The following RALGAPA1 variants were observed in gnomAD, a reference collection of about 807,000 sequenced individuals.
The protein encoded by RALGAPA1 is Ral GTPase activating protein catalytic subunit alpha 1, also known as ral GTPase-activating protein subunit alpha-1.
In RALGAPA1, 52 loss-of-function variants were observed where a neutral mutation model predicts 269.6. The ratio of observed to expected loss-of-function variants is 0.19; its 90% CI spans 0.15 to 0.24. The LOEUF (loss-of-function observed/expected upper bound fraction) is 0.24. RALGAPA1 is among the 10% of genes least tolerant of loss of function. RALGAPA1 has a pLI of 1.00. For synonymous variants in RALGAPA1, 817 were observed against 1,008.3 expected (o/e 0.81, Z 3.60); for missense variants, 1,917 against 3,013.9 (o/e 0.64, Z 8.52).
chr14:35,688,879 G>A lies in RALGAPA1; in HGVS notation c.3532C>T (p.Leu1178=). 3 of 1,278,900 alleles carry A rather than the reference G, an allele frequency of 2.3e-6. No individual in the cohort carries two copies. In the South Asian group the frequency reaches 1.0e-4, roughly 43 times the overall value. The allele number at this position is 1,278,900 out of a possible 1,614,324, so 79.2% of individuals were successfully genotyped here. ...ENKEAPWKMR[L]RKLGGFSSGS... is the part of the protein sequence containing the mutation. ...CTACTAAAGCCACCGAGCTTCCGCA[G>A]TCTCATCTTCCATGGAGCCTCTTTG... Residue 1178 remains leucine (L), a synonymous_variant, in exon 18 of 42, where the codon CTG becomes TTG. Transcript: ENST00000680220.
intron 26 of RALGAPA1, among the ~76,000 whole-genome samples, chr14:35,671,067 T>C (rs564283973): frequency 2.0e-5 from 3 of 152,300 alleles, no homozygotes; most frequent in African/African-American, 7.2e-5. Context: ...ACACGATGAT[T>C]TGATACACAC....
intron 39 of RALGAPA1, among the ~76,000 whole-genome samples, chr14:35,556,631 A>G (rs974855957): frequency 2.0e-5 from 3 of 152,340 alleles, no homozygotes; most frequent in Middle Eastern, 3.4e-3. Context: ...TATCTACACC[A>G]TGAAGGAAAA....
At chr14:35,622,594 C>T (rs886850642) in intron 35 of RALGAPA1, among the ~76,000 whole-genome samples, 1 of 152,036 alleles carries the variant, frequency 6.6e-6, no homozygotes, top group African/African-American at 2.4e-5. Flanking sequence ...GACAAAGCAA[C>T]AGAAATAAAC....
At chr14:35,804,662 T>C (rs2077226907) in intron 1 of RALGAPA1, among the ~76,000 whole-genome samples, 1 of 151,996 alleles carries the variant, frequency 6.6e-6, no homozygotes, top group Non-Finnish European at 1.5e-5. Flanking sequence ...TTAGGTACAG[T>C]GGCTCACACC....
At chr14:35,700,505 A>G (rs1487762487) in intron 16 of RALGAPA1, among the ~76,000 whole-genome samples, 1 of 152,142 alleles carries the variant, frequency 6.6e-6, no homozygotes, top group Non-Finnish European at 1.5e-5. Context: ...TTTGAATATA[A>G]TTTTTTTATA....
intron 1 of RALGAPA1, among the ~76,000 whole-genome samples, chr14:35,784,070 C>T (rs888358518): frequency 2.0e-5 from 3 of 151,428 alleles, no homozygotes; most frequent in African/African-American, 7.3e-5. Context: ...CATTACATAC[C>T]CAAGAATTGA....
At chr14:35,721,343 T>C (rs1266120759) in intron 16 of RALGAPA1, among the ~76,000 whole-genome samples, 2 of 152,184 alleles carry the variant, frequency 1.3e-5, no homozygotes, top group East Asian at 1.9e-4. Flanking sequence ...TTTTCCATAT[T>C]TGTGAGTAAA....
chr14:35,764,272 G>A (rs2073963749), intron 4 of RALGAPA1, among the ~76,000 whole-genome samples: 2 of 151,866 alleles, frequency 1.3e-5, no homozygotes, highest in Middle Eastern at 3.4e-3. Context: ...TGTAATTTTT[G>A]TAGAGGGCTT....
intron 37 of RALGAPA1, among the ~76,000 whole-genome samples, chr14:35,577,903 CTCT>C (rs2057685726): frequency 1.3e-5 from 2 of 152,212 alleles, no homozygotes; most frequent in African/African-American, 4.8e-5. Flanking sequence ...TGCTAATGAG[CTCT>C]TCATTTTTTT....
chr14:35,701,023 A>G (rs1397737120), intron 16 of RALGAPA1, among the ~76,000 whole-genome samples: 1 of 152,202 alleles, frequency 6.6e-6, no homozygotes, highest in Non-Finnish European at 1.5e-5. Context: ...CAAATCATAA[A>G]CATAAAAACT....
chr14:35,804,084 G>A (rs984509257), intron 1 of RALGAPA1, among the ~76,000 whole-genome samples: 6 of 151,860 alleles, frequency 4.0e-5, no homozygotes, highest in African/African-American at 1.2e-4. Context: ...CCAACATGGC[G>A]AAACCCCATC....
At chr14:35,709,174 C>T (rs2068069825) in intron 16 of RALGAPA1, among the ~76,000 whole-genome samples, 1 of 151,850 alleles carries the variant, frequency 6.6e-6, no homozygotes, top group Admixed American at 6.6e-5. Flanking sequence ...AACAGGGTGA[C>T]TATAGCAAAA....
chr14:35,679,546 T>A (rs750791607), intron 21 of RALGAPA1, among the ~76,000 whole-genome samples: 7 of 152,228 alleles, frequency 4.6e-5, no homozygotes, highest in Non-Finnish European at 1.0e-4. Context: ...GTATTGACTA[T>A]CTCATGTAAT....
intron 17 of RALGAPA1, among the ~76,000 whole-genome samples, chr14:35,693,004 G>A (rs1248365968): frequency 2.6e-5 from 4 of 151,916 alleles, no homozygotes. Flanking sequence ...TATAAATGAA[G>A]AAACTCTTTA....
At chr14:35,621,390 G>A (rs2060615732) in intron 35 of RALGAPA1, among the ~76,000 whole-genome samples, 1 of 152,068 alleles carries the variant, frequency 6.6e-6, no homozygotes, top group South Asian at 2.1e-4. Flanking sequence ...TTAATTATTA[G>A]ACCTAAAACC....
At chr14:35,726,867 ATC>A (rs2069969367) in intron 13 of RALGAPA1, among the ~76,000 whole-genome samples, 1 of 152,146 alleles carries the variant, frequency 6.6e-6, no homozygotes, top group African/African-American at 2.4e-5. Flanking sequence ...CGTAGTTCAA[ATC>A]TCTGTCCACT....
In RALGAPA1 at chr14:35,797,542, G is replaced by C. The variant is rs555609705; in HGVS notation, c.106+11188C>G. Among the ~76,000 whole-genome samples, 10 of 151,894 alleles carry C rather than the reference G, an allele frequency of 6.6e-5. No individual in the cohort carries two copies. The South Asian group carries it at 2.1e-3, about 32-fold the overall frequency. ...GTGACAATAGTTAACAATATATTGT[G>C]TATCTCAAAGTAGCTAGAAGAGGCC... On this transcript the variant is annotated intron_variant, in intron 1 of 41. Transcript: ENST00000680220.
intron 7 of RALGAPA1, among the ~76,000 whole-genome samples, chr14:35,754,676 T>C (rs1315830473): frequency 6.6e-6 from 1 of 152,194 alleles, no homozygotes; most frequent in African/African-American, 2.4e-5. Context: ...AAATAGTCAA[T>C]ATATACCCCT....
At chr14:35,670,580 A>G (rs1277660650) in intron 26 of RALGAPA1, among the ~76,000 whole-genome samples, 1 of 152,150 alleles carries the variant, frequency 6.6e-6, no homozygotes, top group African/African-American at 2.4e-5. Context: ...TTTACTTAGC[A>G]TTGTCTCACA....
Sources: allele counts gnomAD v4.1 joint callset (sites outside exome capture counted in the v4.1 genomes callset), GRCh38; gene constraint gnomAD v4.1.1; transcripts MANE v1.5; gene names NCBI Gene and HGNC (gene_info 2026-07-23, HGNC 2026-07-21).